Variants in NSUN3 observed in about 807,000 individuals in gnomAD.
NSUN3 encodes NOP2/Sun RNA methyltransferase 3.
In NSUN3, 24 loss-of-function variants were observed where a neutral mutation model predicts 36.8. The observed-to-expected ratio is 0.65, with a 90% CI of 0.47 to 0.92. NSUN3 has a LOEUF of 0.92. NSUN3 is among the 40% of genes least tolerant of loss of function. The pLI, the probability that NSUN3 is intolerant of heterozygous loss-of-function variation, is 0.00. For missense variants in NSUN3, 381 were observed against 392.8 expected (o/e 0.97, Z 0.25); for synonymous variants, 146 against 145.2 (o/e 1.01, Z -0.04).
At chr3:94,110,814 A>ATGTG (rs1480473223) in intron 5 of NSUN3, among the ~76,000 whole-genome samples, 3 of 151,258 alleles carry the variant, frequency 2.0e-5, no homozygotes, top group Admixed American at 1.3e-4. Context: ...ATATATACAT[A>ATGTG]TATGTGTGTG....
chr3:94,080,400 G>A (rs1469257584), intron 2 of NSUN3, among the ~76,000 whole-genome samples: 2 of 152,186 alleles, frequency 1.3e-5, no homozygotes, highest in Non-Finnish European at 2.9e-5. Context: ...ATACCCACTT[G>A]AGGAGGCAGT....
At position 94,127,846 on chromosome 3, in the gene NSUN3, A is replaced by G. The variant is rs188755663; in HGVS notation, c.*1356A>G. On this transcript the variant is annotated 3_prime_UTR_variant, in exon 6 of 6. Transcript: ENST00000314622. ...ATGTAACCCGGTTTATATCATCAGG[A>G]AGTCTTAGGAAGAATTTTTTTTTCT... 2.0e-5 allele frequency: 3 copies of G among 152,272 alleles called. No individual in the cohort carries two copies. The highest frequency in any genetic ancestry group is 4.4e-5 in the Non-Finnish European group (3 of 68,020). The allele number at this position is 152,272 out of a possible 1,614,324, so 9.4% of individuals were successfully genotyped here.
In NSUN3 at chr3:94,126,719, A is replaced by C; in HGVS notation, c.*229A>C. ...AGGTGGTGCAGATGGTGTTTGTTCT[A>C]TATTATAAATCTGCTGTCTTTGCTT... On this transcript the variant is annotated 3_prime_UTR_variant, in exon 6 of 6. Transcript: ENST00000314622. 1 of 431,498 alleles carries C rather than the reference A, an allele frequency of 2.3e-6. No homozygotes were observed. The highest frequency in any genetic ancestry group is 4.1e-6 in the Non-Finnish European group (1 of 243,552). 26.7% of individuals were successfully genotyped at this position (431,498 alleles called of 1,614,324 possible).
chr3:94,078,051 T>C (rs771960625), intron 2 of NSUN3, among the ~76,000 whole-genome samples: 4 of 152,224 alleles, frequency 2.6e-5, no homozygotes, highest in Admixed American at 2.0e-4. Flanking sequence ...ATTTTAGATC[T>C]TTCCTGCTTT....
In NSUN3 at chr3:94,064,461, C is replaced by A; in HGVS notation, c.37C>A (p.Leu13Ile). ...TQLKAKSEGK[L>I]AKQICKVVLD... is the part of the protein sequence containing the mutation. ...GCTGAAAGCAAAATCAGAGGGGAAG[C>A]TTGCAAAACAGATTTGCAAAGTTGT... is the stretch of plus-strand genomic sequence containing the variant. The change falls in exon 2 of 6, where the codon CTT becomes ATT. Residue 13 changes from leucine (L) to isoleucine (I), a missense_variant. Physicochemically the swap from Leu to Ile is conservative, Grantham distance 5. Coordinates refer to ENST00000314622, the MANE Select transcript of NSUN3 (RefSeq NM_022072.5). The A allele has an allele frequency of 6.2e-7, 1 of 1,613,504 alleles. No homozygotes were observed.
rs765902835 is a variant in NSUN3 at position 94,095,029 on chromosome 3, C to G, written c.622-4C>G. On this transcript the variant is annotated splice_region_variant and splice_polypyrimidine_tract_variant and intron_variant, in intron 4 of 5. Transcript: ENST00000314622. ...TTTGCATCACTTGTCTTTTTTTTCT[C>G]TAGGTGTTAGTGGATGCTCCGTGTT... 1.2e-6 allele frequency: 2 copies of G among 1,610,968 alleles called. No individual in the cohort carries two copies. Among genetic ancestry groups the G allele is most frequent in the Admixed American group, 1.7e-5 (1 of 59,438 alleles).
chr3:94,078,220 G>A (rs1356566679), intron 2 of NSUN3, among the ~76,000 whole-genome samples: 1 of 152,182 alleles, frequency 6.6e-6, no homozygotes, highest in Non-Finnish European at 1.5e-5. Context: ...TCAGGAGCAG[G>A]TTGTTCAGTT....
intron 5 of NSUN3, among the ~76,000 whole-genome samples, chr3:94,110,157 A>T (rs936730302): frequency 2.0e-5 from 3 of 152,156 alleles, no homozygotes; most frequent in Non-Finnish European, 4.4e-5. Context: ...TTAGAAGTGC[A>T]TGAATAAGGC....
intron 2 of NSUN3, among the ~76,000 whole-genome samples, chr3:94,072,551 C>A (rs1322297607): frequency 1.3e-5 from 2 of 152,058 alleles, no homozygotes; most frequent in Non-Finnish European, 2.9e-5. Context: ...AGAGAGAAAA[C>A]TCCCTAAGTT....
chr3:94,129,754 T>TA lies in NSUN3; in HGVS notation c.*3264_*3265insA, dbSNP rs1158673949. ...TTATATATGTTGTCTTTTTTTTTTT[T>TA]TTTTTTTTTTTTTGAGACAGAGTCT... On this transcript the variant is annotated 3_prime_UTR_variant, in exon 6 of 6. Coordinates refer to ENST00000314622, the MANE Select transcript of NSUN3 (RefSeq NM_022072.5). 1.4e-5 allele frequency among the ~76,000 whole-genome samples: 2 copies of TA among 138,944 alleles called. No individual in the cohort carries two copies. The highest frequency in any genetic ancestry group is 3.1e-5 in the Non-Finnish European group (2 of 63,866). The allele number at this position is 138,944 out of a possible 152,430, so 91.2% of individuals were successfully genotyped here.
intron 2 of NSUN3, chr3:94,076,306 A>G (rs567117269): frequency 1.2e-6 from 1 of 867,498 alleles, no homozygotes; most frequent in East Asian, 2.4e-5. Context: ...TTGTCAGCTG[A>G]TCCTGTGGCA....
intron 5 of NSUN3, among the ~76,000 whole-genome samples, chr3:94,103,077 G>A (rs1190341418): frequency 6.6e-6 from 1 of 151,902 alleles, no homozygotes; most frequent in Non-Finnish European, 1.5e-5. Context: ...AGCAGAGATG[G>A]GGTTTTACCA....
At chr3:94,092,901 CAG>C (rs2077321398) in intron 3 of NSUN3, among the ~76,000 whole-genome samples, 1 of 106,424 alleles carries the variant, frequency 9.4e-6, no homozygotes, top group Admixed American at 1.6e-4. Flanking sequence ...GCCTGGGCAA[CAG>C]AGCGAGACTG....
chr3:94,111,785 G>A (rs368149345), intron 5 of NSUN3, among the ~76,000 whole-genome samples: 4 of 151,450 alleles, frequency 2.6e-5, no homozygotes, highest in African/African-American at 9.7e-5. Flanking sequence ...GTAACCTCCT[G>A]TAGGATCTGT....
intron 5 of NSUN3, among the ~76,000 whole-genome samples, chr3:94,099,672 C>T (rs1314874764): frequency 6.6e-6 from 1 of 151,870 alleles, no homozygotes; most frequent in African/African-American, 2.4e-5. Flanking sequence ...ATTAAGATAT[C>T]CAAGCTATAG....
intron 2 of NSUN3, among the ~76,000 whole-genome samples, chr3:94,067,057 T>G (rs952218525): frequency 1.3e-5 from 2 of 152,176 alleles, no homozygotes; most frequent in African/African-American, 4.8e-5. Flanking sequence ...TGATTTATGT[T>G]GAGGCCTGGG....
At chr3:94,074,436 G>A (rs2077238338) in intron 2 of NSUN3, among the ~76,000 whole-genome samples, 1 of 152,178 alleles carries the variant, frequency 6.6e-6, no homozygotes, top group Non-Finnish European at 1.5e-5. Context: ...TTATCCATGA[G>A]CATGGAAGTA....
rs2077506588 is a variant in NSUN3, at chr3:94,130,901, C to T, written c.*4411C>T. Among the ~76,000 whole-genome samples, 2 of 150,724 alleles carry T rather than the reference C, an allele frequency of 1.3e-5. 1 individual carries two copies. Among genetic ancestry groups the T allele is most frequent in the Admixed American group, 1.3e-4 (2 of 15,092 alleles). ...AGCAAAGTTTCATTTTCATTCAACC[C>T]TTTTTTTTTCACTTTGAATCAAATG... On this transcript the variant is annotated 3_prime_UTR_variant, in exon 6 of 6. Coordinates refer to ENST00000314622, the MANE Select transcript of NSUN3 (RefSeq NM_022072.5).
At chr3:94,100,992 T>A (rs1004394183) in intron 5 of NSUN3, among the ~76,000 whole-genome samples, 2 of 151,932 alleles carry the variant, frequency 1.3e-5, no homozygotes, top group African/African-American at 4.8e-5. Flanking sequence ...TATTTTTATT[T>A]AAAAAAATAT....
Sources: gnomAD v4.1 joint callset for allele counts (sites outside exome capture counted in the v4.1 genomes callset) on GRCh38, gnomAD v4.1.1 for gene constraint, MANE v1.5 for transcripts, NCBI Gene and HGNC (gene_info 2026-07-23, HGNC 2026-07-21) for gene names.